SUMF1: variants seen among roughly 807,000 people sequenced by gnomAD.
SUMF1 encodes formylglycine-generating enzyme.
A neutral mutation model predicts 47.6 loss-of-function variants in SUMF1; 48 were observed. The ratio of observed to expected loss-of-function variants is 1.01; its 90% CI spans 0.80 to 1.28. The LOEUF (loss-of-function observed/expected upper bound fraction) is 1.28, where lower values mean the gene tolerates loss of function less well. Ranked by LOEUF, SUMF1 falls within the 50% of genes most tolerant of loss-of-function variation. SUMF1 has a pLI of 0.00. For missense variants in SUMF1, 571 were observed against 485.4 expected, an observed-to-expected ratio of 1.18 and a Z score of -1.66; for synonymous variants, 230 against 192.1, an observed-to-expected ratio of 1.20 and a Z score of -1.63.
chr3:4,357,854 C>T (rs532558620), downstream of SUMF1, among the ~76,000 whole-genome samples: 12 of 151,978 alleles, frequency 7.9e-5, no homozygotes, highest in Admixed American at 5.2e-4. Context: ...CTGATCCACC[C>T]GCCTCGGCCT....
chr3:4,278,215 ATAT>A (rs1575046756), intron 8 of SUMF1, among the ~76,000 whole-genome samples: 1 of 152,038 alleles, frequency 6.6e-6, no homozygotes, highest in Non-Finnish European at 1.5e-5. Context: ...CCTTGGAAAA[ATAT>A]TATGGCATGT....
At chr3:4,291,066 A>G (rs562847404) in intron 8 of SUMF1, among the ~76,000 whole-genome samples, 7 of 152,308 alleles carry the variant, frequency 4.6e-5, no homozygotes, top group Admixed American at 1.3e-4. Flanking sequence ...GGATAAAAGA[A>G]CCCACATAAA....
intron 8 of SUMF1, among the ~76,000 whole-genome samples, chr3:4,339,770 C>A (rs1699230939): frequency 6.6e-6 from 1 of 152,130 alleles, no homozygotes; most frequent in Admixed American, 6.5e-5. Flanking sequence ...CCAAATCACC[C>A]AGAGGCTTTT....
intron 8 of SUMF1, among the ~76,000 whole-genome samples, chr3:4,375,372 T>C (rs947713094): frequency 3.3e-5 from 5 of 152,118 alleles, no homozygotes; most frequent in Admixed American, 1.3e-4. Flanking sequence ...TATGTTTTCA[T>C]CACCTGGAGA....
At chr3:4,114,301 C>G (rs17039930) in intron 8 of SUMF1, among the ~76,000 whole-genome samples, 7,623 of 152,014 alleles carry the variant, frequency 0.05, 523 homozygotes, top group East Asian at 0.16. Flanking sequence ...CTATCACACC[C>G]CTATGTCATC....
At chr3:4,392,477 C>T (rs1335919961) in intron 7 of SUMF1, among the ~76,000 whole-genome samples, 2 of 151,536 alleles carry the variant, frequency 1.3e-5, no homozygotes, top group African/African-American at 2.4e-5. Context: ...TGTTAGTCTG[C>T]ATGTTTATTA....
At chr3:4,229,858 A>G (rs1286429391) in intron 8 of SUMF1, among the ~76,000 whole-genome samples, 1 of 151,938 alleles carries the variant, frequency 6.6e-6, no homozygotes, top group East Asian at 1.9e-4. Flanking sequence ...TACAAAAAAA[A>G]ATTAATTAGC....
At chr3:4,124,049 C>T (rs795302) in intron 8 of SUMF1, among the ~76,000 whole-genome samples, 104,233 of 152,002 alleles carry the variant, frequency 0.69, 36,035 homozygotes, top group Admixed American at 0.74. Context: ...TGATTGAGAC[C>T]CCTGTTGATA....
chr3:4,241,108 A>G (rs1696527952), intron 8 of SUMF1, among the ~76,000 whole-genome samples: 1 of 152,202 alleles, frequency 6.6e-6, no homozygotes, highest in Non-Finnish European at 1.5e-5. Flanking sequence ...AATTAGAGAG[A>G]AGATTTGGGG....
intron 8 of SUMF1, among the ~76,000 whole-genome samples, chr3:4,291,118 ATAT>A (rs946862178): frequency 3.3e-5 from 5 of 152,310 alleles, no homozygotes; most frequent in African/African-American, 1.2e-4. Flanking sequence ...TGTCCGCCAA[ATAT>A]TATAATAACT....
At chr3:4,165,850 G>C (rs971524430) in intron 8 of SUMF1, among the ~76,000 whole-genome samples, 2 of 104,572 alleles carry the variant, frequency 1.9e-5, no homozygotes, top group Non-Finnish European at 3.9e-5. Flanking sequence ...CCGTGGTTTT[G>C]ATTTGTTTGT....
At chr3:4,090,515 G>C (rs1306919465) in intron 8 of SUMF1, among the ~76,000 whole-genome samples, 2 of 152,064 alleles carry the variant, frequency 1.3e-5, no homozygotes, top group African/African-American at 4.8e-5. Flanking sequence ...GAATTAAGCA[G>C]GTTGGAAAAG....
intron 7 of SUMF1, among the ~76,000 whole-genome samples, chr3:4,401,249 C>A (rs941433885): frequency 6.6e-6 from 1 of 152,018 alleles, no homozygotes; most frequent in South Asian, 2.1e-4. Context: ...AGTCTTTGCT[C>A]TTGTGAATAG....
intron 8 of SUMF1, among the ~76,000 whole-genome samples, chr3:4,301,553 A>G (rs576299956): frequency 6.6e-6 from 1 of 152,318 alleles, no homozygotes; most frequent in African/African-American, 2.4e-5. Context: ...GAAATGAGAG[A>G]GCCTAGGACT....
chr3:4,293,391 C>T (rs979589188), intron 8 of SUMF1, among the ~76,000 whole-genome samples: 2 of 152,118 alleles, frequency 1.3e-5, no homozygotes, highest in African/African-American at 4.8e-5. Context: ...CCTATTTTGC[C>T]TCTCCTGAGT....
At chr3:4,419,546 C>T (rs1701822775) in intron 4 of SUMF1, among the ~76,000 whole-genome samples, 2 of 152,076 alleles carry the variant, frequency 1.3e-5, no homozygotes, top group Admixed American at 6.6e-5. Flanking sequence ...CCTTGCCACC[C>T]TGGAGACTTG....
intron 8 of SUMF1, among the ~76,000 whole-genome samples, chr3:4,342,234 T>C (rs927802324): frequency 3.9e-5 from 6 of 152,200 alleles, no homozygotes; most frequent in Non-Finnish European, 8.8e-5. Context: ...TTATCATCGT[T>C]GTTGTTTTTA....
At chr3:4,123,652 G>C (rs970217808) in intron 8 of SUMF1, among the ~76,000 whole-genome samples, 2 of 152,136 alleles carry the variant, frequency 1.3e-5, no homozygotes, top group African/African-American at 4.8e-5. Context: ...ACAGTAGAGA[G>C]AAAAGACCCC....
chr3:4,461,212 G>C (rs1417553785), intron 1 of SUMF1, among the ~76,000 whole-genome samples: 1 of 152,192 alleles, frequency 6.6e-6, no homozygotes, highest in Non-Finnish European at 1.5e-5. Flanking sequence ...AGTGAAACCT[G>C]TCTAACAGAT....
Sources: allele counts gnomAD v4.1 joint callset (sites outside exome capture counted in the v4.1 genomes callset), GRCh38; gene constraint gnomAD v4.1.1; transcripts MANE v1.5; gene names NCBI Gene and HGNC (gene_info 2026-07-23, HGNC 2026-07-21).